Variants in RPS6KL1 observed in about 807,000 individuals in gnomAD.
RPS6KL1 encodes the protein ribosomal protein S6 kinase-like 1.
A neutral mutation model predicts 57.0 loss-of-function variants in RPS6KL1; 41 were observed. That is an observed-to-expected ratio of 0.72 (90% CI 0.56 to 0.93). The LOEUF is 0.93. RPS6KL1 is among the 40% of genes least tolerant of loss of function. The pLI is 0.00. For synonymous variants in RPS6KL1, 287 were observed against 309.7 expected, an observed-to-expected ratio of 0.93 and a Z score of 0.77; for missense variants, 697 against 727.7, an observed-to-expected ratio of 0.96 and a Z score of 0.49.
Position 74,904,017 on chromosome 14 carries a change from C to T in RPS6KL1, c.*2997G>A, listed in dbSNP as rs1884421194. The T allele has an allele frequency of 6.6e-6, 1 of 152,224 alleles. No individual in the cohort carries two copies. Among genetic ancestry groups the T allele is most frequent in the Non-Finnish European group, 1.5e-5 (1 of 68,040 alleles). The allele number at this position is 152,224 out of a possible 1,614,324, so 9.4% of individuals were successfully genotyped here. A position where few individuals can be genotyped will look rare whatever the true frequency, so the allele number is the denominator to read the frequency against. ...GTGACTGATGGCCTGTGATACAACT[C>T]TTAGGAGATCCTGAGAACATGTGTC... On this transcript the variant is annotated 3_prime_UTR_variant, in exon 12 of 12. Coordinates refer to ENST00000557413, the MANE Select transcript of RPS6KL1 (RefSeq NM_031464.5).
Position 74,905,420 on chromosome 14 carries a change from C to T in RPS6KL1, c.*1594G>A, listed in dbSNP as rs2140220688. Reference sequence around the variant, plus strand: ...CTGGTATTCCCCCAGGCACCATGAGCCTCTTCCAAGGCTTCTTCATCCTCT... The same window carrying T: ...CTGGTATTCCCCCAGGCACCATGAGTCTCTTCCAAGGCTTCTTCATCCTCT... On this transcript the variant is annotated 3_prime_UTR_variant, in exon 12 of 12. Transcript: ENST00000557413. The T allele has an allele frequency of 6.6e-6, 1 of 152,278 alleles. No individual in the cohort carries two copies. Among genetic ancestry groups the T allele is most frequent in the South Asian group, 2.1e-4 (1 of 4,818 alleles). 9.4% of individuals were successfully genotyped at this position (152,278 alleles called of 1,614,324 possible).
Position 74,910,004 on chromosome 14 carries a change from G to T in RPS6KL1, c.809C>A (p.Ala270Asp). Residue 270 changes from alanine to aspartate, a missense_variant, in exon 8 of 12, where the codon GCC becomes GAC. By Grantham distance (126) the Ala-to-Asp change is moderately radical. Transcript: ENST00000557413. The part of the protein sequence containing the change: ...LTPARLPSGH[A>D]PGQDRIALEP... ...CAGGGCGATTCTGTCCTGGCCAGGGGCATGGCCTGAGGGAAGCCTCGCTGG... is the reference window on the plus strand; with the variant it reads ...CAGGGCGATTCTGTCCTGGCCAGGGTCATGGCCTGAGGGAAGCCTCGCTGG... The T allele has an allele frequency of 6.2e-7, 1 of 1,614,020 alleles. No individual in the cohort carries two copies. The highest frequency in any genetic ancestry group is 8.5e-7 in the Non-Finnish European group (1 of 1,179,966).
At position 74,904,105 on chromosome 14, in the gene RPS6KL1, C is replaced by G. The variant is rs1884428122; in HGVS notation, c.*2909G>C. 6.6e-6 allele frequency: 1 copy of G among 152,138 alleles called. No individual in the cohort carries two copies. Among genetic ancestry groups the G allele is most frequent in the Non-Finnish European group, 1.5e-5 (1 of 68,040 alleles). The allele number at this position is 152,138 out of a possible 1,614,324, so 9.4% of individuals were successfully genotyped here. A position where few individuals can be genotyped will look rare whatever the true frequency, so the allele number is the denominator to read the frequency against. On this transcript the variant is annotated 3_prime_UTR_variant, in exon 12 of 12. Coordinates refer to ENST00000557413, the MANE Select transcript of RPS6KL1 (RefSeq NM_031464.5). ...ATACATTTTAGGGAGACATAAGATA[C>G]CAGTCAGTACATGTAAGATGTACAG...
In RPS6KL1 at chr14:74,907,464, T is replaced by G; in HGVS notation, c.1510A>C (p.Ser504Arg). The G allele has an allele frequency of 6.3e-7, 1 of 1,587,812 alleles. No individual in the cohort carries two copies. The highest frequency in any genetic ancestry group is 8.6e-7 in the Non-Finnish European group (1 of 1,167,356). ...GTCAGCAGAGAGGCCGCTGGGCGAC[T>G]GAGCCACTCGGGCAGCTGGAGCTGG... Reference protein sequence around the residue: ...HTQLQLPEWLSRPAASLLTEL... With the variant: ...HTQLQLPEWLRRPAASLLTEL... Residue 504 changes from serine to arginine, a missense_variant, in exon 11 of 12, where the codon AGT becomes CGT. Physicochemically the swap from Ser to Arg is moderately radical, Grantham distance 110. Coordinates refer to ENST00000557413, the MANE Select transcript of RPS6KL1 (RefSeq NM_031464.5).
chr14:74,909,330 C>A, intron 8 of RPS6KL1, 140 bp from the exon 9 acceptor site: 1 of 1,007,258 alleles, frequency 9.9e-7, no homozygotes, highest in South Asian at 1.5e-5. Flanking sequence ...GGCACAGCAC[C>A]CTCCACAGAG....
In RPS6KL1 at chr14:74,909,741, C is replaced by G. The variant is rs1465450200; in HGVS notation, c.1072G>C (p.Gly358Arg). The change falls in exon 8 of 12, where the codon GGC becomes CGC. Residue 358 changes from glycine (G) to arginine (R), a missense_variant. Transcript: ENST00000557413. ...CTCTGATCCATGCCTCGGCCACAGC[C>G]CCCTAGCACCGGGCCGGCCCCCTCA... The part of the protein sequence containing the change: ...VPEGAGPVLG[G>R]CGRGMDQSCL... The G allele has an allele frequency of 1.9e-6, 3 of 1,607,690 alleles. No individual in the cohort carries two copies. The Admixed American group carries it at 5.0e-5, about 27-fold the overall frequency.
intron 1 of RPS6KL1, among the ~76,000 whole-genome samples, chr14:74,922,868 G>A (rs933445083): frequency 5.3e-5 from 8 of 152,238 alleles, no homozygotes; most frequent in African/African-American, 1.4e-4. Context: ...CTCAGCCGGC[G>A]GGGAGCTGAA....
chr14:74,915,686 G>A (rs1886721277), intron 5 of RPS6KL1, among the ~76,000 whole-genome samples: 1 of 152,190 alleles, frequency 6.6e-6, no homozygotes, highest in Non-Finnish European at 1.5e-5. Context: ...TCCACTCCCT[G>A]CTGCCACAGG....
chr14:74,908,966 A>G, intron 9 of RPS6KL1, 34 bp from the exon 10 acceptor site: 1 of 1,594,566 alleles, frequency 6.3e-7, no homozygotes. Context: ...TCCCAGCCTC[A>G]CCTAAGAGGG....
At chr14:74,918,711 A>G in intron 4 of RPS6KL1, 106 bp from the exon 5 acceptor site, 2 of 819,442 alleles carry the variant, frequency 2.4e-6, no homozygotes, top group Non-Finnish European at 3.8e-6. Flanking sequence ...CAAGGAGAAC[A>G]GCTGGGAGGG....
Position 74,905,703 on chromosome 14 carries a change from A to C in RPS6KL1, c.*1311T>G, listed in dbSNP as rs749680286. The C allele has an allele frequency of 2.6e-5, 4 of 152,336 alleles. No homozygotes were observed. The highest frequency in any genetic ancestry group is 5.9e-5 in the Non-Finnish European group (4 of 68,174). The allele number at this position is 152,336 out of a possible 1,614,324, so 9.4% of individuals were successfully genotyped here. ...CCCAGGGAGAGGCAGGACGTGGACC[A>C]CAGAGAGTCATGTACAGGCTGCGCT... On this transcript the variant is annotated 3_prime_UTR_variant, in exon 12 of 12. Coordinates refer to ENST00000557413, the MANE Select transcript of RPS6KL1 (RefSeq NM_031464.5).
Position 74,909,088 on chromosome 14 carries a change from C to A in RPS6KL1, c.1360+13G>T. The A allele has an allele frequency of 6.2e-7, 1 of 1,613,014 alleles. No individual in the cohort carries two copies. Among genetic ancestry groups the A allele is most frequent in the Non-Finnish European group, 8.5e-7 (1 of 1,179,052 alleles). On this transcript the variant is annotated intron_variant, in intron 9 of 11. Transcript: ENST00000557413. Reference sequence around the variant, plus strand: ...CAGGTGCTAAGGCCCACCCTGGCCTCCCCCCTTCTTGCCTGGGGCGCTGTA... The same window carrying A: ...CAGGTGCTAAGGCCCACCCTGGCCTACCCCCTTCTTGCCTGGGGCGCTGTA...
chr14:74,908,131 C>T (rs141556521), intron 10 of RPS6KL1, among the ~76,000 whole-genome samples: 25 of 152,270 alleles, frequency 1.6e-4, no homozygotes, highest in Middle Eastern at 3.4e-3. Flanking sequence ...CTTTCGGGAC[C>T]CCGTGCCATG....
At chr14:74,909,311 C>G in intron 8 of RPS6KL1, 121 bp from the exon 9 acceptor site, 1 of 1,091,470 alleles carries the variant, frequency 9.2e-7, no homozygotes, top group South Asian at 1.4e-5. Flanking sequence ...TGGGCAGAAA[C>G]TCGGCAGGGG....
chr14:74,911,928 C>T (rs1037985121), intron 5 of RPS6KL1, 87 bp from the exon 6 acceptor site: 1 of 1,178,190 alleles, frequency 8.5e-7, no homozygotes, highest in African/African-American at 1.5e-5. Context: ...CAGGTTCCTC[C>T]ACTGAGGCTG....
In RPS6KL1 at chr14:74,910,004, G is replaced by C; in HGVS notation, c.809C>G (p.Ala270Gly). 6.2e-7 allele frequency: 1 copy of C among 1,614,020 alleles called. No homozygotes were observed. Among genetic ancestry groups the C allele is most frequent in the Non-Finnish European group, 8.5e-7 (1 of 1,179,966 alleles). The change falls in exon 8 of 12, where the codon GCC becomes GGC. Residue 270 changes from alanine to glycine, a missense_variant. Coordinates refer to ENST00000557413, the MANE Select transcript of RPS6KL1 (RefSeq NM_031464.5). Reference protein sequence around the residue: ...LTPARLPSGHAPGQDRIALEP... With the variant: ...LTPARLPSGHGPGQDRIALEP... ...CAGGGCGATTCTGTCCTGGCCAGGG[G>C]CATGGCCTGAGGGAAGCCTCGCTGG...
At position 74,919,880 on chromosome 14, in the gene RPS6KL1, GC is replaced by G; in HGVS notation, c.354del (p.Gln119SerfsTer4). On this transcript the variant is annotated frameshift_variant, in exon 4 of 12. Coordinates refer to ENST00000557413, the MANE Select transcript of RPS6KL1 (RefSeq NM_031464.5). LOFTEE classifies it high-confidence loss of function. ...CTGGCTCCACTGCTCAGCGGCCGCT[GC>G]AGGTGGCAGTTGAAGATCTCCTCTG... ...RRAEEIFNCHLQRPLSSGASP... is the reference protein window; with the variant it reads ...RRAEEIFNCHXQRPLSSGASP... 1 of 1,613,812 alleles carries G rather than the reference GC, an allele frequency of 6.2e-7. No individual in the cohort carries two copies. Among genetic ancestry groups the G allele is most frequent in the Non-Finnish European group, 8.5e-7 (1 of 1,179,956 alleles).
At chr14:74,915,894 CCT>C (rs1464488125) in intron 5 of RPS6KL1, among the ~76,000 whole-genome samples, 1 of 152,174 alleles carries the variant, frequency 6.6e-6, no homozygotes, top group Non-Finnish European at 1.5e-5. Context: ...CTTCCTCCAC[CCT>C]GTCTCAGAGC....
chr14:74,913,958 C>T (rs1358495912), intron 5 of RPS6KL1, among the ~76,000 whole-genome samples: 1 of 152,224 alleles, frequency 6.6e-6, no homozygotes, highest in Non-Finnish European at 1.5e-5. Context: ...CCTACTGTCC[C>T]ACTGCTAAAA....
Sources: allele counts gnomAD v4.1 joint callset (sites outside exome capture counted in the v4.1 genomes callset), GRCh38; gene constraint gnomAD v4.1.1; transcripts MANE v1.5; gene names NCBI Gene and HGNC (gene_info 2026-07-23, HGNC 2026-07-21).